Variants in PKIB observed in about 807,000 individuals in gnomAD.
PKIB encodes the protein PKI-beta.
PKIB carries 2 observed loss-of-function variants against 4.5 expected under a neutral mutation model. The ratio of observed to expected loss-of-function variants is 0.44; its 90% CI spans 0.18 to 1.39. The LOEUF (loss-of-function observed/expected upper bound fraction) is 1.39. Among genes scored for constraint, PKIB ranks in the 40% most tolerant of loss-of-function variants. The pLI, the probability that PKIB is intolerant of heterozygous loss-of-function variation, is 0.27. For missense variants in PKIB, 94 were observed against 92.6 expected (o/e 1.02, Z -0.06); for synonymous variants, 38 against 36.0 (o/e 1.06, Z -0.20).
intron 2 of PKIB, among the ~76,000 whole-genome samples, chr6:122,639,866 G>A (rs1246060562): frequency 1.3e-5 from 2 of 152,126 alleles, no homozygotes; most frequent in African/African-American, 4.8e-5. Flanking sequence ...TTGGAGGTGG[G>A]TAATTAATTC....
upstream of PKIB, among the ~76,000 whole-genome samples, chr6:122,609,265 G>A (rs903711529): frequency 6.6e-6 from 1 of 152,186 alleles, no homozygotes; most frequent in Non-Finnish European, 1.5e-5. Flanking sequence ...CCTGAAGGCA[G>A]AAAGACCTAA....
At chr6:122,603,706 C>T (rs915267126) in intron 3 of PKIB, among the ~76,000 whole-genome samples, 1 of 152,154 alleles carries the variant, frequency 6.6e-6, no homozygotes, top group South Asian at 2.1e-4. Flanking sequence ...GTCTTGAACT[C>T]GTGGCCTCAA....
intron 3 of PKIB, among the ~76,000 whole-genome samples, chr6:122,596,178 C>T (rs936837357): frequency 6.6e-6 from 1 of 152,208 alleles, no homozygotes; most frequent in African/African-American, 2.4e-5. Context: ...TGCCCTTCAC[C>T]ACTGTCCTTC....
rs555098936 is a variant in PKIB at position 122,508,191 on chromosome 6, T to C, written c.-248+30252T>C. Among the ~76,000 whole-genome samples, 26 of 152,344 alleles carry C rather than the reference T, an allele frequency of 1.7e-4. No homozygotes were observed. In the South Asian group the frequency reaches 5.4e-3, roughly 32 times the overall value. The stretch of plus-strand genomic sequence containing the variant: ...CATGATAGTAAAACAGGAAAGTAAG[T>C]GTCTTTTTATATGTGTTGTAGTCTT... On this transcript the variant is annotated intron_variant, in intron 2 of 6. Coordinates refer to the PKIB transcript ENST00000392491.
chr6:122,642,862 A>G (rs2114853693), intron 2 of PKIB, among the ~76,000 whole-genome samples: 2 of 152,324 alleles, frequency 1.3e-5, no homozygotes, highest in South Asian at 4.1e-4. Flanking sequence ...TTCATAGTCA[A>G]GGTGATATTA....
At position 122,637,943 on chromosome 6, in the gene PKIB, T is replaced by A. The variant is rs1051151344; in HGVS notation, c.-76+4576T>A. On this transcript the variant is annotated intron_variant, in intron 2 of 4. Transcript: ENST00000368452. ...TAATTCTTATACGTGCCAAGGCATTTTATTTCAGTAGAAATTATTTGCAAC... is the reference window on the plus strand; with the variant it reads ...TAATTCTTATACGTGCCAAGGCATTATATTTCAGTAGAAATTATTTGCAAC... Among the ~76,000 whole-genome samples, 9 of 152,274 alleles carry A rather than the reference T, an allele frequency of 5.9e-5. No homozygotes were observed. In the East Asian group the frequency reaches 1.5e-3, roughly 26 times the overall value.
intron 3 of PKIB, among the ~76,000 whole-genome samples, chr6:122,601,473 C>A (rs1172308370): frequency 1.3e-5 from 2 of 152,112 alleles, no homozygotes; most frequent in Non-Finnish European, 2.9e-5. Flanking sequence ...TTCCTTACTA[C>A]TCAAGAAAAG....
intron 4 of PKIB, among the ~76,000 whole-genome samples, chr6:122,718,849 C>G (rs1478252509): frequency 1.3e-5 from 2 of 152,018 alleles, no homozygotes; most frequent in Non-Finnish European, 2.9e-5. Context: ...TAGTTATATC[C>G]TTGTAGGCCA....
At chr6:122,643,985 A>G (rs1346170356) in intron 2 of PKIB, 9 of 152,212 alleles carry the variant, frequency 5.9e-5, no homozygotes. Flanking sequence ...GGCTTAAAAA[A>G]AAACAGTGCT....
At chr6:122,606,904 G>C (rs917461714), upstream of PKIB, among the ~76,000 whole-genome samples, 31 of 151,542 alleles carry the variant, frequency 2.0e-4, no homozygotes, top group Non-Finnish European at 7.4e-5. Flanking sequence ...TGCATCTCTT[G>C]GTCTTCCCTC....
chr6:122,553,276 T>C (rs1425569051), intron 2 of PKIB, among the ~76,000 whole-genome samples: 1 of 151,824 alleles, frequency 6.6e-6, no homozygotes, highest in East Asian at 1.9e-4. Context: ...AACTATTAGG[T>C]TGGTACAAAA....
At chr6:122,561,082 C>T (rs565560573) in intron 2 of PKIB, among the ~76,000 whole-genome samples, 1 of 151,252 alleles carries the variant, frequency 6.6e-6, no homozygotes, top group Non-Finnish European at 1.5e-5. Context: ...TTCTGCTGGG[C>T]CTGGGTTTAG....
At chr6:122,704,421 A>G (rs1778971441) in intron 3 of PKIB, among the ~76,000 whole-genome samples, 1 of 152,158 alleles carries the variant, frequency 6.6e-6, no homozygotes, top group Non-Finnish European at 1.5e-5. Flanking sequence ...CAAAAATAGA[A>G]TAATGTGGAA....
intron 2 of PKIB, among the ~76,000 whole-genome samples, chr6:122,524,297 A>T (rs1159758107): frequency 1.5e-3 from 109 of 74,804 alleles, no homozygotes; most frequent in Admixed American, 2.9e-3. Flanking sequence ...TCTCCTCCTC[A>T]TCCTCTTTCT....
At chr6:122,503,167 C>G (rs917241723) in intron 2 of PKIB, among the ~76,000 whole-genome samples, 20 of 152,152 alleles carry the variant, frequency 1.3e-4, no homozygotes, top group African/African-American at 4.8e-4. Flanking sequence ...CCACGAAAGA[C>G]CCCACTTCCA....
intron 3 of PKIB, among the ~76,000 whole-genome samples, chr6:122,679,117 G>A (rs61582795): frequency 8.7e-4 from 132 of 152,314 alleles, no homozygotes; most frequent in African/African-American, 3.1e-3. Context: ...AAGGTGTTAT[G>A]TGTGCCAAAA....
intron 2 of PKIB, among the ~76,000 whole-genome samples, chr6:122,566,904 C>T (rs9388099): frequency 0.45 from 68,489 of 151,844 alleles, 15,730 homozygotes; most frequent in East Asian, 0.55. Flanking sequence ...TTTTTTTAAA[C>T]TGGGGACAAG....
intron 2 of PKIB, among the ~76,000 whole-genome samples, chr6:122,670,314 A>T (rs1232278975): frequency 6.6e-6 from 1 of 152,040 alleles, no homozygotes; most frequent in African/African-American, 2.4e-5. Flanking sequence ...GGGGGAGAGG[A>T]GCAAATAGCA....
intron 2 of PKIB, among the ~76,000 whole-genome samples, chr6:122,654,764 T>G (rs1319503168): frequency 6.6e-6 from 1 of 152,228 alleles, no homozygotes; most frequent in African/African-American, 2.4e-5. Context: ...ACACTAGATT[T>G]CTATTTTTTT....
Sources: gnomAD v4.1 joint callset for allele counts (sites outside exome capture counted in the v4.1 genomes callset) on GRCh38, gnomAD v4.1.1 for gene constraint, MANE v1.5 for transcripts, NCBI Gene and HGNC (gene_info 2026-07-23, HGNC 2026-07-21) for gene names.